Variants in TMEM9B observed in about 807,000 individuals in gnomAD.
The protein encoded by TMEM9B is transmembrane protein 9B.
TMEM9B carries 8 observed loss-of-function variants against 23.5 expected under a neutral mutation model. The observed-to-expected ratio is 0.34, with a 90% confidence interval of 0.20 to 0.61. The LOEUF (loss-of-function observed/expected upper bound fraction) is 0.61, where lower values mean the gene tolerates loss of function less well. Among genes scored for constraint, TMEM9B ranks in the 20% least tolerant of loss-of-function variants. The pLI is 0.78. For missense variants in TMEM9B, 197 were observed against 252.3 expected, an observed-to-expected ratio of 0.78 and a Z score of 1.49; for synonymous variants, 106 against 96.3, an observed-to-expected ratio of 1.10 and a Z score of -0.59.
intron 1 of TMEM9B, chr11:8,963,920 TG>T (rs1359255409): frequency 5.8e-5 from 26 of 448,948 alleles, no homozygotes; most frequent in Admixed American, 8.4e-5. Context: ...CAGCCGGGGC[TG>T]GGAAGGGAAA....
At chr11:8,962,213 G>A (rs374036681) in intron 1 of TMEM9B, 30 bp from the exon 2 acceptor site, 553 of 1,419,272 alleles carry the variant, frequency 3.9e-4, no homozygotes, top group Middle Eastern at 1.8e-3. Flanking sequence ...AGTATAGTGC[G>A]TTGACAGTTT....
Position 8,953,189 on chromosome 11 carries a change from G to T in TMEM9B, c.441+14C>A, listed in dbSNP as rs1239945423. On this transcript the variant is annotated intron_variant, in intron 4 of 4. Transcript: ENST00000534025. ...GGACTGGCCATGAGCAGCTAGGGCA[G>T]GCTGGGAACTTACCCCAATATCATC... 3 of 1,614,050 alleles carry T rather than the reference G, an allele frequency of 1.9e-6. No individual in the cohort carries two copies. Among genetic ancestry groups the T allele is most frequent in the African/African-American group, 1.3e-5 (1 of 74,914 alleles).
Position 8,947,731 on chromosome 11 carries a change from T to G in TMEM9B, c.*589A>C, listed in dbSNP as rs974836795. On this transcript the variant is annotated 3_prime_UTR_variant, in exon 5 of 5. Transcript: ENST00000534025. ...CAGGCATTTTAGATCCCGTTTACCA[T>G]GAAGTGCAGACACAGCAGATACCCA... 1 of 152,740 alleles carries G rather than the reference T, an allele frequency of 6.5e-6. No homozygotes were observed. Among genetic ancestry groups the G allele is most frequent in the Non-Finnish European group, 1.5e-5 (1 of 68,130 alleles). 9.5% of individuals were successfully genotyped at this position (152,740 alleles called of 1,614,324 possible). A position where few individuals can be genotyped will look rare whatever the true frequency, so the allele number is the denominator to read the frequency against.
intron 2 of TMEM9B, among the ~76,000 whole-genome samples, chr11:8,958,739 T>C (rs1854020466): frequency 6.6e-6 from 1 of 151,658 alleles, no homozygotes; most frequent in African/African-American, 2.4e-5. Context: ...GCCCGACTAA[T>C]TTTGTATTTT....
chr11:8,959,690 C>G (rs780270599), intron 2 of TMEM9B, among the ~76,000 whole-genome samples: 1 of 152,148 alleles, frequency 6.6e-6, no homozygotes, highest in Non-Finnish European at 1.5e-5. Flanking sequence ...TTTGGCTGAC[C>G]AGTCATTACA....
At chr11:8,953,407 TA>T (rs1853918890) in intron 3 of TMEM9B, 70 bp from the exon 4 acceptor site, 19 of 1,485,126 alleles carry the variant, frequency 1.3e-5, no homozygotes, top group Non-Finnish European at 1.5e-5. Context: ...ATGATAATAG[TA>T]AAACTGACTG....
chr11:8,963,952 G>A, intron 1 of TMEM9B: 2 of 507,530 alleles, frequency 3.9e-6, no homozygotes, highest in East Asian at 3.5e-5. Context: ...GTGGGGGGCT[G>A]CTGTCCGGAC....
At chr11:8,953,928 T>G (rs1853927246) in intron 3 of TMEM9B, among the ~76,000 whole-genome samples, 2 of 152,198 alleles carry the variant, frequency 1.3e-5, no homozygotes, top group South Asian at 4.1e-4. Flanking sequence ...CCCAAGAGAA[T>G]GGAAAACATA....
intron 2 of TMEM9B, 64 bp downstream of exon 2, chr11:8,962,028 C>A: frequency 9.6e-7 from 1 of 1,041,164 alleles, no homozygotes. Context: ...GATGAACATT[C>A]TGGGATAACA....
intron 2 of TMEM9B, among the ~76,000 whole-genome samples, chr11:8,960,965 G>A (rs1190362497): frequency 3.3e-5 from 5 of 152,204 alleles, no homozygotes; most frequent in African/African-American, 1.2e-4. Flanking sequence ...GATTACAGGC[G>A]TGAGCCACCG....
intron 4 of TMEM9B, 124 bp downstream of exon 4, chr11:8,953,079 G>T: frequency 8.4e-7 from 1 of 1,190,890 alleles, no homozygotes; most frequent in Non-Finnish European, 1.2e-6. Flanking sequence ...GCTGTTTTTA[G>T]CTTCTCTAGT....
rs1453540736 is a variant in TMEM9B at position 8,957,075 on chromosome 11, G to A, written c.198-777C>T. Among the ~76,000 whole-genome samples, 8 of 152,160 alleles carry A rather than the reference G, an allele frequency of 5.3e-5. No homozygotes were observed. The highest frequency in any genetic ancestry group is 8.8e-5 in the Non-Finnish European group (6 of 68,040). Reference sequence around the variant, plus strand: ...TGAATGACTAACCACGTTTAACAGCGTGGTAAATTCTGAAACTCTGAAAAT... The same window carrying A: ...TGAATGACTAACCACGTTTAACAGCATGGTAAATTCTGAAACTCTGAAAAT... On this transcript the variant is annotated intron_variant, in intron 2 of 4. Transcript: ENST00000534025. The surrounding 1 kb of genome is among the most constrained non-coding windows in gnomAD (Gnocchi z 4.3).
At chr11:8,958,519 T>C (rs1482159546) in intron 2 of TMEM9B, among the ~76,000 whole-genome samples, 1 of 151,762 alleles carries the variant, frequency 6.6e-6, no homozygotes, top group Non-Finnish European at 1.5e-5. Context: ...CCCTCTAAAC[T>C]GTGGCATTAG....
chr11:8,964,106 G>T (rs1329763118), intron 1 of TMEM9B, 103 bp downstream of exon 1: 11 of 1,166,724 alleles, frequency 9.4e-6, no homozygotes, highest in Non-Finnish European at 1.2e-5. Context: ...CCAGGCGTAT[G>T]GCTGTCAGGA....
intron 4 of TMEM9B, among the ~76,000 whole-genome samples, chr11:8,950,550 C>T (rs932530476): frequency 3.3e-5 from 5 of 152,226 alleles, no homozygotes; most frequent in African/African-American, 1.2e-4. Context: ...AACAAACCAG[C>T]TAATCCTTTG....
rs574423170 is a variant in TMEM9B at position 8,957,065 on chromosome 11, G to T, written c.198-767C>A. Among the ~76,000 whole-genome samples, 1 of 152,184 alleles carries T rather than the reference G, an allele frequency of 6.6e-6. No individual in the cohort carries two copies. Among genetic ancestry groups the T allele is most frequent in the Non-Finnish European group, 1.5e-5 (1 of 68,036 alleles). On this transcript the variant is annotated intron_variant, in intron 2 of 4. Coordinates refer to ENST00000534025, the MANE Select transcript of TMEM9B (RefSeq NM_020644.3). The surrounding 1 kb of genome is among the most constrained non-coding windows in gnomAD (Gnocchi z 4.3). ...GTGTGGTGTATGAATGACTAACCAC[G>T]TTTAACAGCGTGGTAAATTCTGAAA...
At chr11:8,964,057 C>A in intron 1 of TMEM9B, 152 bp downstream of exon 1, 6 of 657,176 alleles carry the variant, frequency 9.1e-6, no homozygotes, top group South Asian at 8.5e-5. Context: ...TCGGGAGGGG[C>A]GGGGCTGGTG....
In TMEM9B at chr11:8,964,369, G is replaced by GGGCTCGGGCTCA; in HGVS notation, c.-57_-56insTGAGCCCGAGCC. 1.3e-5 allele frequency: 20 copies of GGGCTCGGGCTCA among 1,516,144 alleles called. No homozygotes were observed. The South Asian group carries it at 1.9e-4, about 14-fold the overall frequency. The allele number at this position is 1,516,144 out of a possible 1,614,324, so 93.9% of individuals were successfully genotyped here. A position where few individuals can be genotyped will look rare whatever the true frequency, so the allele number is the denominator to read the frequency against. On this transcript the variant is annotated 5_prime_UTR_variant, in exon 1 of 5. Coordinates refer to ENST00000534025, the MANE Select transcript of TMEM9B (RefSeq NM_020644.3). Reference sequence around the variant, plus strand: ...AGCCCCCGCGACCGGCTCCCGGCTCGGGCTCAGGCTCAGGCTCAGGCTCAG... The same window carrying GGGCTCGGGCTCA: ...AGCCCCCGCGACCGGCTCCCGGCTCGGGCTCGGGCTCAGGCTCAGGCTCAGGCTCAGGCTCAG...
chr11:8,950,018 C>T (rs576950967), intron 4 of TMEM9B, among the ~76,000 whole-genome samples: 6 of 151,744 alleles, frequency 4.0e-5, no homozygotes, highest in East Asian at 1.9e-4. Flanking sequence ...CCTGCCTCAG[C>T]GTCCCAAGTA....
Sources: allele counts gnomAD v4.1 joint callset (sites outside exome capture counted in the v4.1 genomes callset), GRCh38; gene constraint gnomAD v4.1.1; non-coding constraint Gnocchi (gnomAD v3.1); transcripts MANE v1.5; gene names NCBI Gene and HGNC (gene_info 2026-07-23, HGNC 2026-07-21).